The following BET1 variants were observed in gnomAD, a reference collection of about 807,000 sequenced individuals.
BET1 encodes the protein BET1 homolog.
In BET1, 9 loss-of-function variants were observed where a neutral mutation model predicts 13.9. That is an observed-to-expected ratio of 0.65 (90% confidence interval 0.39 to 1.13). The LOEUF is 1.13. Ranked by LOEUF, BET1 falls within the 50% of genes most tolerant of loss-of-function variation. The probability of loss-of-function intolerance (pLI) is 0.01; values close to 1 mark genes in which losing one functional copy is unlikely to be tolerated. For synonymous variants in BET1, 39 were observed against 47.3 expected (o/e 0.82, Z 0.72); for missense variants, 127 against 133.6 (o/e 0.95, Z 0.24).
chr7:93,969,929 T>A (rs1015509016), intron 6 of BET1, among the ~76,000 whole-genome samples: 4 of 151,670 alleles, frequency 2.6e-5, no homozygotes, highest in African/African-American at 9.7e-5. Flanking sequence ...GTATACTATT[T>A]GAAATCAATC....
At chr7:93,996,825 A>C (rs186941811) in intron 2 of BET1, among the ~76,000 whole-genome samples, 110 of 151,890 alleles carry the variant, frequency 7.2e-4, no homozygotes, top group African/African-American at 2.6e-3. Context: ...TCGTCAACCA[A>C]GAATTAAGCC....
rs762955944 is a variant in BET1 at position 94,004,204 on chromosome 7, C to T, written c.13G>A (p.Gly5Ser). 6.2e-6 allele frequency: 10 copies of T among 1,613,932 alleles called. No homozygotes were observed. The Admixed American group carries it at 1.3e-4, about 22-fold the overall frequency. Residue 5 changes from glycine (G) to serine (S), a missense_variant, in exon 1 of 4, where the codon GGC becomes AGC. Transcript: ENST00000222547. ...ACCTCAGCCCTCTTCTTACCCAGGC[C>T]TGCACGCCTCATCCTGCCAGAGGAG... MRRA[G>S]LGEGVPPGNY...
downstream of BET1, among the ~76,000 whole-genome samples, chr7:93,991,249 T>C (rs1033999963): frequency 1.3e-5 from 2 of 152,230 alleles, no homozygotes; most frequent in Admixed American, 6.5e-5. Context: ...AGTTAACATA[T>C]GTAAAATATG....
At chr7:94,000,061 G>C (rs535353920) in intron 1 of BET1, among the ~76,000 whole-genome samples, 74 of 151,902 alleles carry the variant, frequency 4.9e-4, no homozygotes, top group African/African-American at 1.8e-3. Flanking sequence ...AAATATGTTG[G>C]GCGATTAACA....
intron 4 of BET1, among the ~76,000 whole-genome samples, chr7:93,978,312 G>A (rs892287803): frequency 6.6e-6 from 1 of 152,074 alleles, no homozygotes; most frequent in African/African-American, 2.4e-5. Flanking sequence ...CAAGCAATCT[G>A]CCCACCTTGG....
chr7:93,980,488 A>T (rs1446403304), intron 4 of BET1, among the ~76,000 whole-genome samples: 1 of 152,186 alleles, frequency 6.6e-6, no homozygotes, highest in Non-Finnish European at 1.5e-5. Context: ...CAACATACAA[A>T]AATCAATTAA....
chr7:94,004,185 G>A lies in BET1; in HGVS notation c.19+13C>T. ...CTAGGGCCCCGAACTTCGAACCTCAGCCCTCTTCTTACCCAGGCCTGCACG... is the reference window on the plus strand; with the variant it reads ...CTAGGGCCCCGAACTTCGAACCTCAACCCTCTTCTTACCCAGGCCTGCACG... On this transcript the variant is annotated intron_variant, in intron 1 of 3. Coordinates refer to ENST00000222547, the MANE Select transcript of BET1 (RefSeq NM_005868.6). 2 of 1,613,950 alleles carry A rather than the reference G, an allele frequency of 1.2e-6. No individual in the cohort carries two copies. Among genetic ancestry groups the A allele is most frequent in the Non-Finnish European group, 8.5e-7 (1 of 1,179,904 alleles).
At chr7:93,970,044 G>A (rs1344297456) in intron 6 of BET1, among the ~76,000 whole-genome samples, 1 of 151,758 alleles carries the variant, frequency 6.6e-6, no homozygotes, top group Non-Finnish European at 1.5e-5. Context: ...TTTTTAGTCA[G>A]TGGCTCTTTG....
chr7:93,965,043 A>G (rs953466653), exon 7 of BET1: 3 of 152,224 alleles, frequency 2.0e-5, no homozygotes, highest in African/African-American at 7.2e-5. Context: ...CTCATCTCTC[A>G]ATCTAACTAG....
intron 1 of BET1, chr7:94,000,257 A>G (rs1281567610): frequency 1.3e-5 from 2 of 150,324 alleles, no homozygotes. Flanking sequence ...GGTGCCCGCC[A>G]TCACACCTGG....
chr7:93,993,982 A>C lies in BET1; in HGVS notation c.*248T>G. On this transcript the variant is annotated 3_prime_UTR_variant, in exon 4 of 4. Coordinates refer to ENST00000222547, the MANE Select transcript of BET1 (RefSeq NM_005868.6). ...CAGTTGGCAAACAATAGAAAAACAAACTGGAAATTAGTGGAGCCACACCCT... is the reference window on the plus strand; with the variant it reads ...CAGTTGGCAAACAATAGAAAAACAACCTGGAAATTAGTGGAGCCACACCCT... 1 of 1,531,128 alleles carries C rather than the reference A, an allele frequency of 6.5e-7. No homozygotes were observed. Among genetic ancestry groups the C allele is most frequent in the Non-Finnish European group, 8.7e-7 (1 of 1,144,804 alleles). The allele number at this position is 1,531,128 out of a possible 1,614,324, so 94.8% of individuals were successfully genotyped here. A position where few individuals can be genotyped will look rare whatever the true frequency, so the allele number is the denominator to read the frequency against.
At chr7:93,972,687 T>C (rs1795275429) in intron 5 of BET1, 1 of 151,862 alleles carries the variant, frequency 6.6e-6, no homozygotes, top group Non-Finnish European at 1.5e-5. Context: ...AAATTGAATA[T>C]TATTTTTTCC....
intron 3 of BET1, 102 bp downstream of exon 3, chr7:93,996,163 A>C (rs1795766093): frequency 2.3e-6 from 2 of 872,954 alleles, no homozygotes; most frequent in Non-Finnish European, 3.6e-6. Flanking sequence ...GACGGGAATC[A>C]AGGACTTACG....
At chr7:93,968,786 T>C (rs914675212) in intron 6 of BET1, among the ~76,000 whole-genome samples, 1 of 151,776 alleles carries the variant, frequency 6.6e-6, no homozygotes, top group African/African-American at 2.4e-5. Context: ...TCAGAGAAGG[T>C]ATATACACTT....
chr7:93,977,532 A>G (rs373110443), intron 4 of BET1, among the ~76,000 whole-genome samples: 3 of 152,172 alleles, frequency 2.0e-5, no homozygotes, highest in East Asian at 3.9e-4. Flanking sequence ...TTTACTTAAT[A>G]GGATTTAAGG....
chr7:93,995,082 G>A (rs1316228627), intron 3 of BET1, among the ~76,000 whole-genome samples: 1 of 152,188 alleles, frequency 6.6e-6, no homozygotes, highest in East Asian at 1.9e-4. Flanking sequence ...CTGACCTCAG[G>A]TAATCCGCCC....
At chr7:93,981,685 T>C (rs1364787482) in intron 4 of BET1, among the ~76,000 whole-genome samples, 1 of 152,216 alleles carries the variant, frequency 6.6e-6, no homozygotes, top group Non-Finnish European at 1.5e-5. Flanking sequence ...CTGCTGTCTC[T>C]TTGTCTTTCA....
intron 6 of BET1, chr7:93,969,399 A>G (rs2116022656): frequency 6.6e-6 from 1 of 151,958 alleles, no homozygotes; most frequent in East Asian, 1.9e-4. Flanking sequence ...TTGCTTCCTT[A>G]AAGAATGCTC....
intron 1 of BET1, among the ~76,000 whole-genome samples, chr7:93,999,997 T>C (rs1229444622): frequency 6.6e-6 from 1 of 152,116 alleles, no homozygotes; most frequent in Non-Finnish European, 1.5e-5. Flanking sequence ...TAGTACTTCA[T>C]AGTCATCAGG....
Sources: gnomAD v4.1 joint callset for allele counts (sites outside exome capture counted in the v4.1 genomes callset) on GRCh38, gnomAD v4.1.1 for gene constraint, MANE v1.5 for transcripts, NCBI Gene and HGNC (gene_info 2026-07-23, HGNC 2026-07-21) for gene names.